The following TMC5 variants were observed in gnomAD, a reference collection of about 807,000 sequenced individuals.
TMC5 encodes the protein transmembrane channel like 5.
TMC5 carries 86 observed loss-of-function variants against 110.5 expected under a neutral mutation model. The ratio of observed to expected loss-of-function variants is 0.78; its 90% confidence interval spans 0.65 to 0.93. The LOEUF is 0.93. Among genes scored for constraint, TMC5 ranks in the 40% least tolerant of loss-of-function variants. TMC5 has a pLI of 0.00. For synonymous variants in TMC5, 455 were observed against 439.5 expected (o/e 1.04, Z -0.44); for missense variants, 1,144 against 1,222.8 (o/e 0.94, Z 0.96).
chr16:19,467,327 C>A (rs1262376089), intron 9 of TMC5, among the ~76,000 whole-genome samples: 1 of 152,114 alleles, frequency 6.6e-6, no homozygotes, highest in African/African-American at 2.4e-5. Flanking sequence ...AGGCCTCTCT[C>A]CTTGGCTTGT....
At chr16:19,432,818 C>T (rs930534576) in intron 2 of TMC5, among the ~76,000 whole-genome samples, 18 of 152,160 alleles carry the variant, frequency 1.2e-4, no homozygotes, top group African/African-American at 3.9e-4. Context: ...ATCCATCTTT[C>T]TATCTATCTA....
intron 3 of TMC5, among the ~76,000 whole-genome samples, chr16:19,443,691 T>C (rs1967541308): frequency 6.6e-6 from 1 of 152,118 alleles, no homozygotes; most frequent in African/African-American, 2.4e-5. Flanking sequence ...GATGAATACA[T>C]TAATGAATGG....
chr16:19,458,236 G>A (rs1967936737), intron 5 of TMC5, among the ~76,000 whole-genome samples: 1 of 152,058 alleles, frequency 6.6e-6, no homozygotes, highest in African/African-American at 2.4e-5. Flanking sequence ...TTGAGACAGA[G>A]TTTCACTCTT....
At chr16:19,462,375 G>A (rs2143578044) in intron 6 of TMC5, 1 of 571,372 alleles carries the variant, frequency 1.8e-6, no homozygotes, top group South Asian at 2.1e-5. Context: ...ATTGCCAATT[G>A]TGTGGGGGCA....
At chr16:19,450,029 A>C (rs796663589) in intron 5 of TMC5, among the ~76,000 whole-genome samples, 43 of 152,366 alleles carry the variant, frequency 2.8e-4, no homozygotes, top group African/African-American at 1.0e-3. Flanking sequence ...GACAGTGACC[A>C]AAAAGTCAAC....
rs2143301227 is a variant in TMC5 at position 19,411,177 on chromosome 16, G to T, written c.-308+1G>T. The T allele has an allele frequency of 6.6e-6, 1 of 152,172 alleles. No homozygotes were observed. Among genetic ancestry groups the T allele is most frequent in the African/African-American group, 2.4e-5 (1 of 41,382 alleles). The allele number at this position is 152,172 out of a possible 1,614,324, so 9.4% of individuals were successfully genotyped here. A position where few individuals can be genotyped will look rare whatever the true frequency, so the allele number is the denominator to read the frequency against. On this transcript the variant is annotated splice_donor_variant, in intron 1 of 20. Transcript: ENST00000381414. LOFTEE classifies it low-confidence loss of function (5UTR_SPLICE). ...TGCTTACTTCACCATGTCCGATCCG[G>T]TAAGTTTTTTATCTGAGCAGCGGCC...
intron 2 of TMC5, among the ~76,000 whole-genome samples, chr16:19,433,408 C>T (rs1018599421): frequency 2.0e-5 from 3 of 152,146 alleles, no homozygotes; most frequent in African/African-American, 7.2e-5. Context: ...CAAAGATAGC[C>T]ATATGCGATT....
upstream of TMC5, among the ~76,000 whole-genome samples, chr16:19,413,853 G>A (rs1966864350): frequency 6.6e-6 from 1 of 152,068 alleles, no homozygotes; most frequent in Non-Finnish European, 1.5e-5. Flanking sequence ...TGTGACCTTG[G>A]GCCAAGTTAC....
chr16:19,473,538 A>T (rs182558468), intron 11 of TMC5, among the ~76,000 whole-genome samples: 112 of 152,068 alleles, frequency 7.4e-4, no homozygotes, highest in African/African-American at 2.2e-3. Flanking sequence ...AAGCCACAGA[A>T]TGATTGTTCG....
At chr16:19,470,906 G>T (rs1761662001) in intron 10 of TMC5, among the ~76,000 whole-genome samples, 1 of 151,584 alleles carries the variant, frequency 6.6e-6, no homozygotes, top group African/African-American at 2.4e-5. Context: ...CGTGGTGGCG[G>T]GCACCTGTAA....
In TMC5 at chr16:19,466,094, G is replaced by A. The variant is rs745353357; in HGVS notation, c.1498G>A (p.Asp500Asn). Residue 500 changes from aspartate (D) to asparagine (N), a missense_variant, in exon 9 of 22, where the codon GAC (aspartate) becomes AAC (asparagine). Physicochemically the swap from Asp to Asn is conservative, Grantham distance 23. Transcript: ENST00000542583. ...EFFTGVGYFRDTVMYYGFYTN... is the reference protein window; with the variant it reads ...EFFTGVGYFRNTVMYYGFYTN... ...TTGTACCTTTCAGGGTTATTTTAGGGACACAGTGATGTACTATGGCTTTTA... is the reference window on the plus strand; with the variant it reads ...TTGTACCTTTCAGGGTTATTTTAGGAACACAGTGATGTACTATGGCTTTTA... 1 of 1,613,762 alleles carries A rather than the reference G, an allele frequency of 6.2e-7. No individual in the cohort carries two copies. The highest frequency in any genetic ancestry group is 8.5e-7 in the Non-Finnish European group (1 of 1,179,876).
chr16:19,498,639 G>A lies in TMC5; in HGVS notation c.*673G>A, dbSNP rs1969115688. On this transcript the variant is annotated 3_prime_UTR_variant, in exon 22 of 22. Coordinates refer to ENST00000542583, the MANE Select transcript of TMC5 (RefSeq NM_001261841.2). ...TTGCAGTGGCAGTACCGTAGCCAAT[G>A]AGATTTATCCGAGACGCGATTATTG... 6.6e-6 allele frequency: 1 copy of A among 152,110 alleles called. No individual in the cohort carries two copies. Among genetic ancestry groups the A allele is most frequent in the South Asian group, 2.1e-4 (1 of 4,830 alleles). The allele number at this position is 152,110 out of a possible 1,614,324, so 9.4% of individuals were successfully genotyped here.
intron 2 of TMC5, among the ~76,000 whole-genome samples, chr16:19,433,883 C>T (rs958697466): frequency 2.7e-5 from 4 of 148,194 alleles, no homozygotes; most frequent in Admixed American, 6.9e-5. Flanking sequence ...TACAATGGTG[C>T]GGTCATAGCT....
intron 18 of TMC5, among the ~76,000 whole-genome samples, chr16:19,491,533 AT>A (rs71275925): frequency 0.094 from 11,041 of 117,740 alleles, 359 homozygotes; most frequent in African/African-American, 0.14. Context: ...TGTCTTAGGG[AT>A]TTTTTTTTTT....
chr16:19,484,214 G>T (rs1968684200), intron 15 of TMC5, among the ~76,000 whole-genome samples: 2 of 152,004 alleles, frequency 1.3e-5, no homozygotes, highest in African/African-American at 4.8e-5. Context: ...CTTTAAAGTT[G>T]CCCTGGGTGA....
At chr16:19,436,295 A>AAAAAAAAAAAAAAAAAAAAAAAGAAAG (rs1491247478) in intron 2 of TMC5, among the ~76,000 whole-genome samples, 1 of 150,676 alleles carries the variant, frequency 6.6e-6, no homozygotes. Flanking sequence ...GAAAGGAAAA[A>AAAAAAAAAAAAAAAAAAAAAAAGAAAG]GAAAAAGAAA....
At chr16:19,413,523 C>CAAAAAAAAAAAAAAAA (rs869158130), upstream of TMC5, among the ~76,000 whole-genome samples, 4 of 52,982 alleles carry the variant, frequency 7.5e-5, no homozygotes, top group Admixed American at 2.4e-4. Context: ...AACCCTGCCT[C>CAAAAAAAAAAAAAAAA]AAAAAAAAAA....
At position 19,472,102 on chromosome 16, in the gene TMC5, G is replaced by C; in HGVS notation, c.1797G>C (p.Glu599Asp). ...TATGTTTCTAGGAGAACCTGTCAGA[G>C]CTCCGTCAGGAGAATTCCAAGTTGA... ...LSTEIRENLSELRQENSKLTF... is the reference protein window; with the variant it reads ...LSTEIRENLSDLRQENSKLTF... The change falls in exon 11 of 22, where the codon GAG becomes GAC. Residue 599 changes from glutamate (E) to aspartate (D), a missense_variant. Glu to Asp is a conservative substitution (Grantham distance 45). Transcript: ENST00000542583. 3 of 1,614,084 alleles carry C rather than the reference G, an allele frequency of 1.9e-6. No homozygotes were observed. The highest frequency in any genetic ancestry group is 1.7e-4 in the Middle Eastern group (1 of 6,052).
chr16:19,492,017 A>C (rs532584171), intron 18 of TMC5, 133 bp from the exon 19 acceptor site: 55 of 715,972 alleles, frequency 7.7e-5, no homozygotes, highest in Non-Finnish European at 1.2e-4. Context: ...ACTCTCCCTG[A>C]CATGACTTTT....
Sources: allele counts gnomAD v4.1 joint callset (sites outside exome capture counted in the v4.1 genomes callset), GRCh38; gene constraint gnomAD v4.1.1; transcripts MANE v1.5; gene names NCBI Gene and HGNC (gene_info 2026-07-23, HGNC 2026-07-21).